The following SH3RF3 variants were observed in gnomAD, a reference collection of about 807,000 sequenced individuals.
SH3RF3 encodes the protein SH3 domain containing ring finger 3.
Under a neutral mutation model 66.3 loss-of-function variants are expected in SH3RF3, and 29 were observed. The ratio of observed to expected loss-of-function variants is 0.44; its 90% CI spans 0.33 to 0.60. The LOEUF (loss-of-function observed/expected upper bound fraction) is 0.60, where lower values mean the gene tolerates loss of function less well. Ranked by LOEUF, SH3RF3 falls within the 20% of genes least tolerant of loss-of-function variation. The pLI is 0.04. For missense variants in SH3RF3, 1,194 were observed against 1,190.9 expected (o/e 1.00, Z -0.04); for synonymous variants, 583 against 532.0 (o/e 1.10, Z -1.32).
intron 1 of SH3RF3, among the ~76,000 whole-genome samples, chr2:109,289,320 A>G (rs1445741686): frequency 6.6e-6 from 1 of 151,796 alleles, no homozygotes; most frequent in Non-Finnish European, 1.5e-5. Context: ...AGGATTTCAC[A>G]TCCCATGCTC....
chr2:109,396,752 G>A (rs550529350), intron 3 of SH3RF3, among the ~76,000 whole-genome samples: 1 of 152,102 alleles, frequency 6.6e-6, no homozygotes, highest in East Asian at 1.9e-4. Flanking sequence ...GGCCTCACAT[G>A]CAAGGGCTTA....
intron 1 of SH3RF3, among the ~76,000 whole-genome samples, chr2:109,277,738 G>T (rs917926070): frequency 2.6e-5 from 4 of 152,228 alleles, no homozygotes; most frequent in African/African-American, 9.6e-5. Flanking sequence ...TACCACAAGC[G>T]TGGCTGTGGG....
chr2:109,211,788 G>A (rs931186711), intron 1 of SH3RF3, among the ~76,000 whole-genome samples: 10 of 152,086 alleles, frequency 6.6e-5, no homozygotes. Flanking sequence ...TGGGATTACA[G>A]GCATTCACCA....
chr2:109,209,157 G>A (rs894114356), intron 1 of SH3RF3, among the ~76,000 whole-genome samples: 4 of 152,224 alleles, frequency 2.6e-5, no homozygotes, highest in East Asian at 1.9e-4. Context: ...CCTCTGTGCT[G>A]TGGTCTGCCT....
At chr2:109,320,417 T>C (rs1681994677) in intron 1 of SH3RF3, among the ~76,000 whole-genome samples, 1 of 152,174 alleles carries the variant, frequency 6.6e-6, no homozygotes, top group Admixed American at 6.5e-5. Flanking sequence ...CCATCCTTCC[T>C]GCTGGAACCA....
intron 1 of SH3RF3, among the ~76,000 whole-genome samples, chr2:109,141,145 C>T (rs758674106): frequency 2.6e-5 from 4 of 152,186 alleles, no homozygotes; most frequent in Non-Finnish European, 5.9e-5. Flanking sequence ...CCACACCCCC[C>T]GGAGCCCAGG....
chr2:109,147,788 C>T (rs1356542294), intron 1 of SH3RF3, among the ~76,000 whole-genome samples: 3 of 152,122 alleles, frequency 2.0e-5, no homozygotes, highest in African/African-American at 7.2e-5. Flanking sequence ...TAAAATATCC[C>T]GAATTGGAGC....
At chr2:109,183,464 A>G (rs971209240) in intron 1 of SH3RF3, among the ~76,000 whole-genome samples, 1 of 152,206 alleles carries the variant, frequency 6.6e-6, no homozygotes, top group African/African-American at 2.4e-5. Flanking sequence ...CACAGTAAAG[A>G]TCTGGAAATT....
chr2:109,279,405 G>C (rs1680832002), intron 1 of SH3RF3, among the ~76,000 whole-genome samples: 1 of 152,208 alleles, frequency 6.6e-6, no homozygotes, highest in African/African-American at 2.4e-5. Context: ...TCACCTGCTG[G>C]AGTGACTGTC....
In SH3RF3 at chr2:109,164,162, CCT is replaced by C. The variant is rs766608859; in HGVS notation, c.573+34056_573+34057del. 4.3e-4 allele frequency among the ~76,000 whole-genome samples: 66 copies of C among 152,128 alleles called. 1 individual carries two copies. Among genetic ancestry groups the C allele is most frequent in the African/African-American group, 1.4e-3 (60 of 41,490 alleles). ...TTTTTGGTCCAGGAAAACTCTGATG[CCT>C]CTCTCTTTTTTTTTTCTTTTACTTT... On this transcript the variant is annotated intron_variant, in intron 1 of 9. Coordinates refer to ENST00000309415, the MANE Select transcript of SH3RF3 (RefSeq NM_001099289.3).
At chr2:109,147,205 G>C (rs1677120278) in intron 1 of SH3RF3, among the ~76,000 whole-genome samples, 1 of 152,130 alleles carries the variant, frequency 6.6e-6, no homozygotes, top group African/African-American at 2.4e-5. Flanking sequence ...CGGGATGCCT[G>C]GACTTTCTTG....
chr2:109,470,655 T>TG (rs925385327), intron 8 of SH3RF3, among the ~76,000 whole-genome samples: 2 of 152,018 alleles, frequency 1.3e-5, no homozygotes, highest in African/African-American at 4.8e-5. Context: ...ACGCATGGGG[T>TG]GCCTAGAAAC....
At chr2:109,144,214 G>A (rs1677039478) in intron 1 of SH3RF3, among the ~76,000 whole-genome samples, 1 of 152,138 alleles carries the variant, frequency 6.6e-6, no homozygotes. Context: ...ACACCACGAA[G>A]GTAACCACGT....
At chr2:109,214,517 C>T (rs900876611) in intron 1 of SH3RF3, among the ~76,000 whole-genome samples, 1 of 150,982 alleles carries the variant, frequency 6.6e-6, no homozygotes, top group Non-Finnish European at 1.5e-5. Flanking sequence ...CAGGCCCTGG[C>T]GTAGAAGACC....
chr2:109,287,938 T>C (rs1681070275), intron 1 of SH3RF3, among the ~76,000 whole-genome samples: 1 of 152,238 alleles, frequency 6.6e-6, no homozygotes, highest in Admixed American at 6.5e-5. Flanking sequence ...GACCTGCCTG[T>C]TCAAATAAGC....
chr2:109,398,018 G>A (rs751675498), intron 3 of SH3RF3, among the ~76,000 whole-genome samples: 42 of 152,170 alleles, frequency 2.8e-4, no homozygotes, highest in Admixed American at 7.9e-4. Context: ...CAGCTTCTGG[G>A]GCTTGACAGC....
At chr2:109,173,365 G>C (rs766874462) in intron 1 of SH3RF3, among the ~76,000 whole-genome samples, 2 of 152,158 alleles carry the variant, frequency 1.3e-5, no homozygotes, top group African/African-American at 2.4e-5. Flanking sequence ...GTCCCTGCCT[G>C]GGTTGTCTAT....
At chr2:109,404,430 C>T (rs979299354) in intron 4 of SH3RF3, among the ~76,000 whole-genome samples, 14 of 152,158 alleles carry the variant, frequency 9.2e-5, no homozygotes, top group South Asian at 2.1e-4. Context: ...GCTACAAGTT[C>T]GAGACTGGGA....
At chr2:109,278,552 AATGTCAC>A (rs1680812429) in intron 1 of SH3RF3, among the ~76,000 whole-genome samples, 1 of 152,210 alleles carries the variant, frequency 6.6e-6, no homozygotes, top group South Asian at 2.1e-4. Flanking sequence ...GTCGGGCCCC[AATGTCAC>A]TGCATAGCAA....
Sources: gnomAD v4.1 joint callset for allele counts (sites outside exome capture counted in the v4.1 genomes callset) on GRCh38, gnomAD v4.1.1 for gene constraint, MANE v1.5 for transcripts, NCBI Gene and HGNC (gene_info 2026-07-23, HGNC 2026-07-21) for gene names.